SUGCT: variants seen among roughly 807,000 people sequenced by gnomAD.
SUGCT encodes succinyl-CoA:glutarate-CoA transferase.
A neutral mutation model predicts 55.0 loss-of-function variants in SUGCT; 41 were observed. The observed-to-expected ratio is 0.74, with a 90% CI of 0.58 to 0.97. The LOEUF (loss-of-function observed/expected upper bound fraction) is 0.97, where lower values mean the gene tolerates loss of function less well. SUGCT is among the 50% of genes least tolerant of loss of function. The pLI, the probability that SUGCT is intolerant of heterozygous loss-of-function variation, is 0.00. For synonymous variants in SUGCT, 187 were observed against 200.4 expected, an observed-to-expected ratio of 0.93 and a Z score of 0.56; for missense variants, 568 against 547.8, an observed-to-expected ratio of 1.04 and a Z score of -0.37.
At chr7:40,439,064 G>GTGTATA (rs1283539157) in intron 9 of SUGCT, among the ~76,000 whole-genome samples, 580 of 27,162 alleles carry the variant, frequency 0.021, 82 homozygotes, top group Non-Finnish European at 0.023. Context: ...TATATATGGT[G>GTGTATA]TATATATATA....
intron 13 of SUGCT, among the ~76,000 whole-genome samples, chr7:40,836,377 G>A (rs1792975804): frequency 1.3e-5 from 2 of 152,114 alleles, no homozygotes; most frequent in African/African-American, 2.4e-5. Flanking sequence ...TTGCTTCAGT[G>A]GTAACACCTT....
intron 10 of SUGCT, among the ~76,000 whole-genome samples, 161 bp downstream of exon 10, chr7:40,449,519 G>A (rs1054312620): frequency 6.6e-6 from 1 of 152,162 alleles, no homozygotes. Flanking sequence ...TTAGCATTCT[G>A]TGTTTTTTGT....
chr7:40,257,025 T>C (rs1790856179), intron 7 of SUGCT, among the ~76,000 whole-genome samples: 1 of 152,108 alleles, frequency 6.6e-6, no homozygotes, highest in Non-Finnish European at 1.5e-5. Context: ...ATTATAGGAA[T>C]GAGCCACTGC....
At chr7:40,708,098 C>T (rs1201858044) in intron 12 of SUGCT, among the ~76,000 whole-genome samples, 1 of 152,096 alleles carries the variant, frequency 6.6e-6, no homozygotes, top group Non-Finnish European at 1.5e-5. Context: ...AATGTGGTCT[C>T]AAGGATACTT....
intron 9 of SUGCT, among the ~76,000 whole-genome samples, chr7:40,377,210 T>TTC (rs1332490048): frequency 2.1e-3 from 21 of 9,828 alleles, no homozygotes; most frequent in Admixed American, 8.7e-3. Context: ...TTTCTTTTCT[T>TTC]TTCTTTCTTT....
At chr7:40,753,845 C>T (rs1002208576) in intron 13 of SUGCT, among the ~76,000 whole-genome samples, 1 of 152,114 alleles carries the variant, frequency 6.6e-6, no homozygotes, top group African/African-American at 2.4e-5. Context: ...CTTTTGGCTA[C>T]TTAAAGAAAA....
intron 13 of SUGCT, among the ~76,000 whole-genome samples, chr7:40,766,109 T>G (rs1473964514): frequency 6.6e-6 from 1 of 152,204 alleles, no homozygotes; most frequent in Non-Finnish European, 1.5e-5. Flanking sequence ...ATAATATAGT[T>G]GAAACCATGA....
intron 12 of SUGCT, among the ~76,000 whole-genome samples, chr7:40,608,925 T>C (rs1798642090): frequency 6.6e-6 from 1 of 152,194 alleles, no homozygotes; most frequent in African/African-American, 2.4e-5. Flanking sequence ...CGAGTTGTAG[T>C]TCTGTCTCTA....
At chr7:40,686,411 A>C (rs1326617427) in intron 12 of SUGCT, among the ~76,000 whole-genome samples, 2 of 152,222 alleles carry the variant, frequency 1.3e-5, no homozygotes, top group Admixed American at 6.5e-5. Flanking sequence ...GAAAAACATT[A>C]ATCTATATAT....
chr7:40,520,962 GTAAA>G (rs1793496838), intron 12 of SUGCT, among the ~76,000 whole-genome samples: 1 of 151,990 alleles, frequency 6.6e-6, no homozygotes, highest in Admixed American at 6.6e-5. Context: ...CTCAAAACTA[GTAAA>G]TAATTTTATT....
At chr7:40,418,087 T>G (rs1035595133) in intron 9 of SUGCT, among the ~76,000 whole-genome samples, 7 of 152,242 alleles carry the variant, frequency 4.6e-5, no homozygotes, top group Non-Finnish European at 1.0e-4. Context: ...TCTTTTGATA[T>G]TTAAACAGGA....
chr7:40,287,063 A>G (rs1793398296), intron 8 of SUGCT, among the ~76,000 whole-genome samples: 4 of 152,162 alleles, frequency 2.6e-5, no homozygotes, highest in Admixed American at 2.0e-4. Context: ...GCTGAGGTGC[A>G]ACACTGGGAG....
chr7:40,805,906 T>C (rs1181640691), intron 13 of SUGCT, among the ~76,000 whole-genome samples: 1 of 152,224 alleles, frequency 6.6e-6, no homozygotes, highest in East Asian at 1.9e-4. Context: ...GAATGCCATC[T>C]ATGGCACGTT....
chr7:40,957,543 A>G, the SUGCT span, among the ~76,000 whole-genome samples: 1 of 145,810 alleles, frequency 6.9e-6, no homozygotes, highest in Admixed American at 7.2e-5. Flanking sequence ...TTGAGAGAGC[A>G]TGTGAAATGG....
At chr7:40,979,694 C>T in the SUGCT span, 1 of 152,174 alleles carries the variant, frequency 6.6e-6, no homozygotes, top group African/African-American at 2.4e-5. Flanking sequence ...TACTCAGAGA[C>T]ATTTTAAGAA....
intron 12 of SUGCT, among the ~76,000 whole-genome samples, chr7:40,509,978 T>C (rs1296506622): frequency 6.6e-6 from 1 of 152,160 alleles, no homozygotes; most frequent in Non-Finnish European, 1.5e-5. Flanking sequence ...TTTTTGATCA[T>C]TTGCTTGAAG....
At chr7:40,496,050 T>A (rs942783699) in intron 11 of SUGCT, among the ~76,000 whole-genome samples, 1 of 152,162 alleles carries the variant, frequency 6.6e-6, no homozygotes, top group Non-Finnish European at 1.5e-5. Context: ...ATAGGAAGAA[T>A]TACATCTCTA....
At chr7:40,480,291 A>G (rs1368244269) in intron 11 of SUGCT, among the ~76,000 whole-genome samples, 5 of 151,880 alleles carry the variant, frequency 3.3e-5, no homozygotes, top group Non-Finnish European at 7.4e-5. Context: ...TCCCTATTCT[A>G]TGTTCGTGGC....
At chr7:40,420,066 G>A (rs1234281680) in intron 9 of SUGCT, among the ~76,000 whole-genome samples, 1 of 152,166 alleles carries the variant, frequency 6.6e-6, no homozygotes, top group Non-Finnish European at 1.5e-5. Context: ...TGTGGTAAGT[G>A]TTGTAGTTGA....
Sources: gnomAD v4.1 joint callset for allele counts (sites outside exome capture counted in the v4.1 genomes callset) on GRCh38, gnomAD v4.1.1 for gene constraint, MANE v1.5 for transcripts, NCBI Gene and HGNC (gene_info 2026-07-23, HGNC 2026-07-21) for gene names.